Variants in DLGAP1 observed in about 807,000 individuals in gnomAD.
DLGAP1 encodes the protein DLG associated protein 1.
A neutral mutation model predicts 90.8 loss-of-function variants in DLGAP1; 11 were observed. The ratio of observed to expected loss-of-function variants is 0.12; its 90% CI spans 0.08 to 0.20. The LOEUF (loss-of-function observed/expected upper bound fraction) is 0.20. DLGAP1 is among the 10% of genes least tolerant of loss of function. The pLI is 1.00. For synonymous variants in DLGAP1, 558 were observed against 540.7 expected, an observed-to-expected ratio of 1.03 and a Z score of -0.44; for missense variants, 1,050 against 1,333.8, an observed-to-expected ratio of 0.79 and a Z score of 3.31.
At chr18:3,750,224 A>G (rs1237743861) in intron 5 of DLGAP1, among the ~76,000 whole-genome samples, 2 of 152,056 alleles carry the variant, frequency 1.3e-5, no homozygotes, top group Non-Finnish European at 2.9e-5. Context: ...AACATGTGGC[A>G]TTTGGTTTTT....
At chr18:3,961,786 G>C (rs917421024) in intron 3 of DLGAP1, among the ~76,000 whole-genome samples, 1 of 152,200 alleles carries the variant, frequency 6.6e-6, no homozygotes, top group East Asian at 1.9e-4. Flanking sequence ...CCACAAGTGG[G>C]GCAAGGGGAA....
intron 1 of DLGAP1, among the ~76,000 whole-genome samples, chr18:4,236,303 A>G (rs186915758): frequency 6.6e-6 from 1 of 152,358 alleles, no homozygotes; most frequent in East Asian, 1.9e-4. Flanking sequence ...GATTATCAGT[A>G]GAAGTGCCAT....
At chr18:4,008,061 T>C (rs956145374) in intron 2 of DLGAP1, among the ~76,000 whole-genome samples, 2 of 152,152 alleles carry the variant, frequency 1.3e-5, no homozygotes, top group African/African-American at 4.8e-5. Flanking sequence ...TGCTGGGCTG[T>C]TTCCTCTGTC....
chr18:4,083,465 T>C (rs2075640663), intron 2 of DLGAP1, among the ~76,000 whole-genome samples: 1 of 152,222 alleles, frequency 6.6e-6, no homozygotes, highest in Admixed American at 6.5e-5. Flanking sequence ...GTACATATCA[T>C]TTTAAAGTAC....
rs139493053 is a variant in DLGAP1 at position 3,693,603 on chromosome 18, T to C, written c.1591+35532A>G. 2.9e-3 allele frequency among the ~76,000 whole-genome samples: 438 copies of C among 152,328 alleles called. 1 individual carries two copies. Among genetic ancestry groups the C allele is most frequent in the African/African-American group, 0.01 (422 of 41,574 alleles). Reference sequence around the variant, plus strand: ...AGATGATTAAAAAGAAAAGAGAAACTCACACATCCAGGGGTAATTGACTCA... The same window carrying C: ...AGATGATTAAAAAGAAAAGAGAAACCCACACATCCAGGGGTAATTGACTCA... On this transcript the variant is annotated intron_variant, in intron 7 of 12. Coordinates refer to ENST00000315677, the MANE Select transcript of DLGAP1 (RefSeq NM_004746.4).
In DLGAP1 at chr18:4,039,201, C is replaced by A. The variant is rs538643937; in HGVS notation, c.-158-34000G>T. ...TAGAGAATAAGAGAATATTCAACAC[C>A]AACGTCCTTGAGGGTGGAGACGATA... On this transcript the variant is annotated intron_variant, in intron 2 of 12. Transcript: ENST00000315677. Among the ~76,000 whole-genome samples, 447 of 152,178 alleles carry A rather than the reference C, an allele frequency of 2.9e-3. 1 individual carries two copies. The highest frequency in any genetic ancestry group is 0.01 in the African/African-American group (435 of 41,524).
At chr18:4,307,151 G>C (rs1338317230) in intron 1 of DLGAP1, among the ~76,000 whole-genome samples, 2 of 152,158 alleles carry the variant, frequency 1.3e-5, no homozygotes, top group African/African-American at 4.8e-5. Context: ...ATGTGCTATA[G>C]GAGAGGGCAC....
chr18:4,392,882 G>A (rs2082366709), intron 1 of DLGAP1, among the ~76,000 whole-genome samples: 1 of 152,130 alleles, frequency 6.6e-6, no homozygotes, highest in Admixed American at 6.5e-5. Flanking sequence ...TTTAGGATAT[G>A]GCACTCCCGG....
chr18:4,295,573 C>T (rs1162985753), intron 1 of DLGAP1, among the ~76,000 whole-genome samples: 1 of 152,110 alleles, frequency 6.6e-6, no homozygotes, highest in Non-Finnish European at 1.5e-5. Flanking sequence ...GTAAAACAAA[C>T]ACATACAAAA....
At chr18:3,899,980 CAAAAACA>C (rs1017269309) in intron 3 of DLGAP1, among the ~76,000 whole-genome samples, 9 of 151,566 alleles carry the variant, frequency 5.9e-5, no homozygotes, top group South Asian at 2.1e-4. Flanking sequence ...GGCATATATG[CAAAAACA>C]AAAAACAAAA....
At chr18:4,415,706 T>C (rs930778643) in intron 1 of DLGAP1, among the ~76,000 whole-genome samples, 2 of 152,188 alleles carry the variant, frequency 1.3e-5, no homozygotes, top group Non-Finnish European at 2.9e-5. Flanking sequence ...ACTAGCTTTA[T>C]GTCTTGGGCT....
At chr18:4,064,808 T>C (rs1237696139) in intron 2 of DLGAP1, among the ~76,000 whole-genome samples, 1 of 151,800 alleles carries the variant, frequency 6.6e-6, no homozygotes, top group Non-Finnish European at 1.5e-5. Context: ...TCCAAAAAAT[T>C]AATAAGGAGG....
chr18:4,382,237 T>A (rs369985822), intron 1 of DLGAP1, among the ~76,000 whole-genome samples: 17 of 152,062 alleles, frequency 1.1e-4, no homozygotes, highest in East Asian at 7.7e-4. Flanking sequence ...GCAGCTGGAG[T>A]CCCATTCCCA....
chr18:4,088,799 T>A (rs534435418), intron 2 of DLGAP1, among the ~76,000 whole-genome samples: 1 of 152,216 alleles, frequency 6.6e-6, no homozygotes, highest in East Asian at 1.9e-4. Flanking sequence ...AAGGGACATA[T>A]CTCAAAATAA....
At chr18:4,020,642 G>A (rs1233273318) in intron 2 of DLGAP1, among the ~76,000 whole-genome samples, 2 of 152,210 alleles carry the variant, frequency 1.3e-5, no homozygotes, top group Non-Finnish European at 2.9e-5. Flanking sequence ...CCTCTCAGCT[G>A]TCCTTGTTTA....
intron 9 of DLGAP1, among the ~76,000 whole-genome samples, chr18:3,538,570 C>T (rs1407447241): frequency 6.6e-6 from 1 of 152,166 alleles, no homozygotes; most frequent in African/African-American, 2.4e-5. Context: ...TGTTAACTGT[C>T]ATCTGAAGCT....
intron 4 of DLGAP1, among the ~76,000 whole-genome samples, chr18:3,864,780 C>T (rs1177227856): frequency 1.3e-5 from 2 of 152,114 alleles, no homozygotes; most frequent in African/African-American, 4.8e-5. Context: ...CACTGGATAC[C>T]TGCAGCCACC....
chr18:4,102,788 G>GTGTAGA (rs1202231826), intron 2 of DLGAP1, among the ~76,000 whole-genome samples: 1 of 152,100 alleles, frequency 6.6e-6, no homozygotes, highest in East Asian at 1.9e-4. Context: ...ATACTTGAAT[G>GTGTAGA]TATTTTGGTA....
chr18:4,208,553 G>C (rs1478289452), intron 1 of DLGAP1, among the ~76,000 whole-genome samples: 2 of 152,188 alleles, frequency 1.3e-5, no homozygotes, highest in Non-Finnish European at 2.9e-5. Context: ...AATTTAGAGT[G>C]AATGGAACAA....
Sources: gnomAD v4.1 joint callset for allele counts (sites outside exome capture counted in the v4.1 genomes callset) on GRCh38, gnomAD v4.1.1 for gene constraint, MANE v1.5 for transcripts, NCBI Gene and HGNC (gene_info 2026-07-23, HGNC 2026-07-21) for gene names.